The following INPP1 variants were observed in gnomAD, a reference collection of about 807,000 sequenced individuals.
INPP1 encodes inositol polyphosphate 1-phosphatase.
A neutral mutation model predicts 23.0 loss-of-function variants in INPP1; 18 were observed. That is an observed-to-expected ratio of 0.78 (90% CI 0.54 to 1.16). INPP1 has a LOEUF of 1.16. INPP1 is among the 50% of genes most tolerant of loss of function. The pLI, the probability that INPP1 is intolerant of heterozygous loss-of-function variation, is 0.00. For synonymous variants in INPP1, 164 were observed against 176.3 expected (o/e 0.93, Z 0.55); for missense variants, 448 against 482.1 (o/e 0.93, Z 0.66).
Position 190,360,057 on chromosome 2 carries a change from G to C in INPP1, c.-46G>C, listed in dbSNP as rs991234310. Reference sequence around the variant, plus strand: ...TTTCCAGCTGACGGCCCAGAGGGTGGGTGCCAATTCCACCAGCAGCTGCAA... The same window carrying C: ...TTTCCAGCTGACGGCCCAGAGGGTGCGTGCCAATTCCACCAGCAGCTGCAA... On this transcript the variant is annotated 5_prime_UTR_variant, in exon 3 of 7. Transcript: ENST00000392329. 3 of 1,585,468 alleles carry C rather than the reference G, an allele frequency of 1.9e-6. No homozygotes were observed. The African/African-American group carries it at 4.0e-5, about 21-fold the overall frequency.
At chr2:190,344,992 C>T (rs3791809) in intron 1 of INPP1, among the ~76,000 whole-genome samples, 65,745 of 152,068 alleles carry the variant, frequency 0.43, 17,306 homozygotes, top group South Asian at 0.61. Context: ...CACTGAACTA[C>T]TCTTGATTGG....
At chr2:190,362,734 G>A (rs1322717115) in intron 4 of INPP1, 47 bp downstream of exon 4, 3 of 1,258,848 alleles carry the variant, frequency 2.4e-6, no homozygotes, top group East Asian at 2.4e-5. Flanking sequence ...ATTATCATAT[G>A]GTATTCTAGT....
chr2:190,354,797 G>C lies in INPP1; in HGVS notation c.-64-5242G>C, dbSNP rs1689388761. ...GACATCAGTGGAACTTAATAGATGA[G>C]CTTTTACTACCCAGAAGGGTCCTTA... is the stretch of plus-strand genomic sequence containing the variant. On this transcript the variant is annotated intron_variant, in intron 2 of 6. Coordinates refer to ENST00000392329, the MANE Select transcript of INPP1 (RefSeq NM_001128928.2). The surrounding 1 kb of genome is among the most constrained non-coding windows in gnomAD (Gnocchi z 4.8). Among the ~76,000 whole-genome samples, 1 of 152,188 alleles carries C rather than the reference G, an allele frequency of 6.6e-6. No homozygotes were observed. Among genetic ancestry groups the C allele is most frequent in the Admixed American group, 6.5e-5 (1 of 15,282 alleles).
Position 190,371,071 on chromosome 2 carries a change from C to T in INPP1, c.869C>T (p.Ala290Val), listed in dbSNP as rs1689793472. Residue 290 changes from alanine to valine, a missense_variant, in exon 7 of 7, where the codon GCT (alanine) becomes GTT (valine). By Grantham distance (64) the Ala-to-Val change is moderately conservative. Transcript: ENST00000392329. This position sits in a 1 kb window ranked among gnomAD's most constrained non-coding sequence, Gnocchi z 5.3. The part of the protein sequence containing the change: ...CGDRIFGAAG[A>V]GYKSLCVVQG... ...GATCGCATATTTGGGGCAGCTGGGG[C>T]TGGTTATAAGAGCCTATGTGTTGTC... is the stretch of plus-strand genomic sequence containing the variant. The T allele has an allele frequency of 6.2e-7, 1 of 1,613,878 alleles. No individual in the cohort carries two copies. The highest frequency in any genetic ancestry group is 1.3e-5 in the African/African-American group (1 of 74,832).
At chr2:190,361,866 G>A (rs1176065860) in intron 3 of INPP1, among the ~76,000 whole-genome samples, 1 of 152,180 alleles carries the variant, frequency 6.6e-6, no homozygotes, top group Non-Finnish European at 1.5e-5. Flanking sequence ...GCAAATGACC[G>A]AGTTCAAATA....
chr2:190,360,925 C>T (rs1011916903), intron 3 of INPP1, among the ~76,000 whole-genome samples: 4 of 152,060 alleles, frequency 2.6e-5, no homozygotes, highest in African/African-American at 7.2e-5. Context: ...GTTATAAACA[C>T]ACAAAGATGT....
chr2:190,357,836 C>T (rs1689447023), intron 2 of INPP1, among the ~76,000 whole-genome samples: 1 of 152,150 alleles, frequency 6.6e-6, no homozygotes, highest in Non-Finnish European at 1.5e-5. Flanking sequence ...GGAATGTAAA[C>T]TTTAAAACAT....
Position 190,360,277 on chromosome 2 carries a change from G to A in INPP1, c.175G>A (p.Glu59Lys). ...FKTLADVLVQ[E>K]VIKQNMENKF... ...GACGCTGGCTGATGTACTGGTACAG[G>A]AAGTTATAAAACAGAATATGGAGAA... Residue 59 changes from glutamate (E) to lysine (K), a missense_variant, in exon 3 of 7, where the codon GAA (glutamate) becomes AAA (lysine). Transcript: ENST00000392329. The A allele has an allele frequency of 1.2e-6, 2 of 1,614,148 alleles. No homozygotes were observed. The highest frequency in any genetic ancestry group is 1.7e-6 in the Non-Finnish European group (2 of 1,180,004).
intron 1 of INPP1, among the ~76,000 whole-genome samples, chr2:190,344,537 T>G (rs968556734): frequency 3.3e-5 from 5 of 152,244 alleles, no homozygotes; most frequent in Non-Finnish European, 7.3e-5. Context: ...ACTTCCTTGC[T>G]GTTAATTCTC....
chr2:190,360,783 GT>G (rs10695567), intron 3 of INPP1, among the ~76,000 whole-genome samples: 27 of 149,588 alleles, frequency 1.8e-4, no homozygotes, highest in Admixed American at 1.5e-3. Context: ...TTTGTAACCT[GT>G]TTTTTTTTTA....
Position 190,369,160 on chromosome 2 carries a change from T to C in INPP1, c.524T>C (p.Phe175Ser), listed in dbSNP as rs1291946817. The C allele has an allele frequency of 6.2e-7, 1 of 1,608,760 alleles. No individual in the cohort carries two copies. The highest frequency in any genetic ancestry group is 8.5e-7 in the Non-Finnish European group (1 of 1,175,830). ...SADIKSNQGIFPCGLQCVTIL... is the reference protein window; with the variant it reads ...SADIKSNQGISPCGLQCVTIL... Reference sequence around the variant, plus strand: ...GACATTAAATCCAACCAGGGAATCTTCCCCTGTGGACTTCAGTGTGTCACC... The same window carrying C: ...GACATTAAATCCAACCAGGGAATCTCCCCCTGTGGACTTCAGTGTGTCACC... Residue 175 changes from phenylalanine (F) to serine (S), a missense_variant, in exon 6 of 7, where the codon TTC becomes TCC. By Grantham distance (155) the Phe-to-Ser change is radical. Coordinates refer to ENST00000392329, the MANE Select transcript of INPP1 (RefSeq NM_001128928.2).
At chr2:190,366,603 C>G in intron 4 of INPP1, 92 bp from the exon 5 acceptor site, 1 of 909,684 alleles carries the variant, frequency 1.1e-6, no homozygotes, top group South Asian at 1.5e-5. Context: ...CTCTCGCTCT[C>G]TCTGTCTCTC....
At chr2:190,365,977 C>T (rs1689644517) in intron 4 of INPP1, among the ~76,000 whole-genome samples, 1 of 23,512 alleles carries the variant, frequency 4.3e-5, no homozygotes, top group Non-Finnish European at 7.2e-5. Flanking sequence ...CTCGCTCTCT[C>T]GCTCTGTCTC....
chr2:190,357,699 G>A (rs896758018), intron 2 of INPP1, among the ~76,000 whole-genome samples: 18 of 152,188 alleles, frequency 1.2e-4, no homozygotes, highest in African/African-American at 4.3e-4. Context: ...AGGGAAAACT[G>A]GAGTTACTGA....
chr2:190,369,743 A>T (rs2124946730), intron 6 of INPP1, among the ~76,000 whole-genome samples: 1 of 152,270 alleles, frequency 6.6e-6, no homozygotes, highest in East Asian at 1.9e-4. Flanking sequence ...AACCTAACTC[A>T]CACTCCCTTT....
At chr2:190,360,962 G>A (rs145298081) in intron 3 of INPP1, among the ~76,000 whole-genome samples, 65 of 152,168 alleles carry the variant, frequency 4.3e-4, no homozygotes, top group African/African-American at 1.5e-3. Context: ...CAATGATTAC[G>A]ACTCTTTCTG....
intron 4 of INPP1, among the ~76,000 whole-genome samples, chr2:190,364,793 G>A (rs180762878): frequency 2.5e-3 from 372 of 151,714 alleles, no homozygotes; most frequent in African/African-American, 8.3e-3. Context: ...ATTAGAGACA[G>A]GGGTTTCACT....
intron 4 of INPP1, among the ~76,000 whole-genome samples, chr2:190,366,480 T>C (rs1689676089): frequency 6.6e-6 from 1 of 151,592 alleles, no homozygotes; most frequent in South Asian, 2.1e-4. Flanking sequence ...TCTCGCTCTT[T>C]TGCTGTGTCT....
At chr2:190,366,388 TCTCC>T in intron 4 of INPP1, among the ~76,000 whole-genome samples, 1 of 149,982 alleles carries the variant, frequency 6.7e-6, no homozygotes, top group Non-Finnish European at 1.5e-5. Context: ...TCTCTTTCAC[TCTCC>T]CTGTCTGTCT....
Sources: allele counts gnomAD v4.1 joint callset (sites outside exome capture counted in the v4.1 genomes callset), GRCh38; gene constraint gnomAD v4.1.1; non-coding constraint Gnocchi (gnomAD v3.1); transcripts MANE v1.5; gene names NCBI Gene and HGNC (gene_info 2026-07-23, HGNC 2026-07-21).